EXOC6B: variants seen among roughly 807,000 people sequenced by gnomAD.
The protein encoded by EXOC6B is SEC15 homolog B.
A neutral mutation model predicts 113.5 loss-of-function variants in EXOC6B; 54 were observed. The observed-to-expected ratio is 0.48, with a 90% CI of 0.38 to 0.60. The LOEUF (loss-of-function observed/expected upper bound fraction) is 0.60, where lower values mean the gene tolerates loss of function less well. EXOC6B is among the 20% of genes least tolerant of loss of function. The pLI is 0.00. For synonymous variants in EXOC6B, 357 were observed against 339.0 expected (o/e 1.05, Z -0.58); for missense variants, 797 against 977.5 (o/e 0.82, Z 2.46).
intron 6 of EXOC6B, among the ~76,000 whole-genome samples, chr2:72,669,373 C>T (rs180872867): frequency 3.5e-4 from 53 of 149,818 alleles, no homozygotes; most frequent in Admixed American, 1.4e-3. Flanking sequence ...AAGGGAAAAA[C>T]GAAGTCAAGA....
intron 6 of EXOC6B, among the ~76,000 whole-genome samples, chr2:72,639,144 G>A (rs111316650): frequency 6.6e-6 from 1 of 152,282 alleles, no homozygotes; most frequent in African/African-American, 2.4e-5. Flanking sequence ...TGCACAGGCG[G>A]GTTTTGCTTT....
chr2:72,588,090 T>C (rs1318710342), intron 6 of EXOC6B, among the ~76,000 whole-genome samples: 1 of 152,148 alleles, frequency 6.6e-6, no homozygotes, highest in Non-Finnish European at 1.5e-5. Context: ...TGGAAATGTA[T>C]AATATTTTCC....
intron 18 of EXOC6B, among the ~76,000 whole-genome samples, chr2:72,398,483 G>C (rs1055877750): frequency 6.6e-6 from 1 of 151,946 alleles, no homozygotes; most frequent in Non-Finnish European, 1.5e-5. Context: ...GATCACTTGA[G>C]GTCAGGAGTT....
chr2:72,431,485 TTATCTATCTATCTATCTATCTATC>T (rs3062440), intron 18 of EXOC6B, among the ~76,000 whole-genome samples: 6 of 133,784 alleles, frequency 4.5e-5, no homozygotes, highest in Non-Finnish European at 6.3e-5. Flanking sequence ...CTTGATTTCT[TTATCTATCTATCTATCTATCTATC>T]TATCTATCTA....
At chr2:72,511,306 C>T (rs1043264753) in intron 11 of EXOC6B, among the ~76,000 whole-genome samples, 1 of 152,010 alleles carries the variant, frequency 6.6e-6, no homozygotes, top group African/African-American at 2.4e-5. Flanking sequence ...TCATCATCTC[C>T]CCGCTCCAAA....
At chr2:72,292,677 T>G (rs770153486) in intron 20 of EXOC6B, among the ~76,000 whole-genome samples, 3 of 152,198 alleles carry the variant, frequency 2.0e-5, no homozygotes, top group African/African-American at 4.8e-5. Flanking sequence ...TACTTACTAC[T>G]AGTCACAACT....
chr2:72,825,980 G>A lies in EXOC6B; in HGVS notation c.-70C>T. 1.3e-6 allele frequency: 2 copies of A among 1,568,034 alleles called. No individual in the cohort carries two copies. The highest frequency in any genetic ancestry group is 2.3e-5 in the East Asian group (1 of 43,138). On this transcript the variant is annotated 5_prime_UTR_variant, in exon 1 of 22. Coordinates refer to ENST00000272427, the MANE Select transcript of EXOC6B (RefSeq NM_015189.3). This position sits in a 1 kb window ranked among gnomAD's most constrained non-coding sequence, Gnocchi z 4.4. ...CACCTTTTCCCTGCCCCACAATGCC[G>A]CTCCCACCACAGGCTCCACAGCCGC...
intron 1 of EXOC6B, among the ~76,000 whole-genome samples, chr2:72,793,693 G>T (rs1249392289): frequency 6.6e-6 from 1 of 152,136 alleles, no homozygotes; most frequent in East Asian, 1.9e-4. Context: ...GGTTAGCGAG[G>T]TACATAGGTG....
At chr2:72,718,352 G>A (rs1008909889) in intron 5 of EXOC6B, 45 bp from the exon 6 acceptor site, 1 of 1,554,220 alleles carries the variant, frequency 6.4e-7, no homozygotes, top group African/African-American at 1.4e-5. Context: ...GTTTTCTTTA[G>A]GGTTAGGCAA....
At chr2:72,428,027 C>A (rs1282724508) in intron 18 of EXOC6B, among the ~76,000 whole-genome samples, 1 of 152,164 alleles carries the variant, frequency 6.6e-6, no homozygotes, top group Admixed American at 6.5e-5. Context: ...CTCCTAGAAG[C>A]TGAATACTCC....
intron 7 of EXOC6B, among the ~76,000 whole-genome samples, chr2:72,568,953 T>C (rs528493342): frequency 6.7e-6 from 1 of 149,914 alleles, no homozygotes; most frequent in Admixed American, 6.6e-5. Flanking sequence ...ACTTACACTA[T>C]CACCACAAAA....
chr2:72,365,389 G>T (rs181762142), intron 19 of EXOC6B, among the ~76,000 whole-genome samples: 1 of 152,198 alleles, frequency 6.6e-6, no homozygotes, highest in African/African-American at 2.4e-5. Context: ...CTGAAAGAAC[G>T]GTTTTAGATA....
At chr2:72,528,247 G>C (rs1701830619) in intron 8 of EXOC6B, among the ~76,000 whole-genome samples, 1 of 152,026 alleles carries the variant, frequency 6.6e-6, no homozygotes, top group Admixed American at 6.6e-5. Flanking sequence ...TGCATAAAAT[G>C]GGAGGTTAGC....
chr2:72,565,931 C>G (rs1704149710), intron 7 of EXOC6B, among the ~76,000 whole-genome samples: 1 of 151,988 alleles, frequency 6.6e-6, no homozygotes, highest in Non-Finnish European at 1.5e-5. Context: ...TACCCCTTGA[C>G]TCAACCATCC....
intron 1 of EXOC6B, among the ~76,000 whole-genome samples, chr2:72,785,423 A>G (rs1374593742): frequency 6.6e-6 from 1 of 152,266 alleles, no homozygotes; most frequent in Non-Finnish European, 1.5e-5. Flanking sequence ...GCACTGCCCT[A>G]GCAGAGTTTC....
At chr2:72,716,053 A>G (rs150306638) in intron 6 of EXOC6B, among the ~76,000 whole-genome samples, 34 of 152,238 alleles carry the variant, frequency 2.2e-4, no homozygotes, top group African/African-American at 8.2e-4. Flanking sequence ...GAGTGAGATT[A>G]CATTTTCCAG....
intron 8 of EXOC6B, among the ~76,000 whole-genome samples, chr2:72,541,340 C>T (rs146784465): frequency 6.6e-6 from 1 of 152,298 alleles, no homozygotes; most frequent in African/African-American, 2.4e-5. Context: ...TGAAAAAGGA[C>T]TAATACAGAA....
At chr2:72,349,006 C>T (rs985403068) in intron 19 of EXOC6B, among the ~76,000 whole-genome samples, 1 of 152,140 alleles carries the variant, frequency 6.6e-6, no homozygotes, top group Non-Finnish European at 1.5e-5. Context: ...AAAACTTAGT[C>T]TCATACTCTA....
intron 11 of EXOC6B, among the ~76,000 whole-genome samples, chr2:72,507,954 G>GAAA (rs976240447): frequency 4.1e-5 from 3 of 73,056 alleles, no homozygotes; most frequent in Non-Finnish European, 5.9e-5. Context: ...CATTGCTTTA[G>GAAA]AAAAAAAAAA....
Sources: gnomAD v4.1 joint callset for allele counts (sites outside exome capture counted in the v4.1 genomes callset) on GRCh38, gnomAD v4.1.1 for gene constraint, Gnocchi (gnomAD v3.1) non-coding constraint, MANE v1.5 for transcripts, NCBI Gene and HGNC (gene_info 2026-07-23, HGNC 2026-07-21) for gene names.